The following WWC1 variants were observed in gnomAD, a reference collection of about 807,000 sequenced individuals.
WWC1 encodes protein KIBRA.
A neutral mutation model predicts 138.4 loss-of-function variants in WWC1; 55 were observed. The ratio of observed to expected loss-of-function variants is 0.40; its 90% CI spans 0.32 to 0.50. The LOEUF (loss-of-function observed/expected upper bound fraction) is 0.50, where lower values mean the gene tolerates loss of function less well. Among genes scored for constraint, WWC1 ranks in the 20% least tolerant of loss-of-function variants. The probability of loss-of-function intolerance (pLI) is 0.72; values close to 1 mark genes in which losing one functional copy is unlikely to be tolerated. For synonymous variants in WWC1, 524 were observed against 564.9 expected (o/e 0.93, Z 1.03); for missense variants, 1,226 against 1,420.4 (o/e 0.86, Z 2.20).
At chr5:168,450,867 C>T (rs978241166) in intron 17 of WWC1, among the ~76,000 whole-genome samples, 9 of 151,982 alleles carry the variant, frequency 5.9e-5, no homozygotes, top group African/African-American at 9.7e-5. Context: ...TTATGATCTT[C>T]GGAAGACACC....
At chr5:168,458,270 A>G (rs1281162675) in intron 19 of WWC1, among the ~76,000 whole-genome samples, 1 of 152,198 alleles carries the variant, frequency 6.6e-6, no homozygotes, top group Non-Finnish European at 1.5e-5. Flanking sequence ...AAAAACTCAA[A>G]GCACTGTGCT....
chr5:168,419,105 G>A (rs978280913), intron 9 of WWC1, among the ~76,000 whole-genome samples: 1 of 152,186 alleles, frequency 6.6e-6, no homozygotes, highest in Admixed American at 6.5e-5. Flanking sequence ...ACTGCAGGGC[G>A]TGTGCTGGGG....
intron 1 of WWC1, among the ~76,000 whole-genome samples, chr5:168,324,262 T>C (rs1412991385): frequency 6.6e-6 from 1 of 152,062 alleles, no homozygotes; most frequent in Admixed American, 6.6e-5. Flanking sequence ...GGGGAAACCC[T>C]GTCTCTACTA....
intron 3 of WWC1, among the ~76,000 whole-genome samples, chr5:168,386,340 C>T (rs1183529934): frequency 1.3e-5 from 2 of 151,134 alleles, no homozygotes; most frequent in Non-Finnish European, 2.9e-5. Context: ...CCCTGGTACC[C>T]AAAGGAGGAG....
At chr5:168,396,291 G>A (rs1778898341) in intron 3 of WWC1, among the ~76,000 whole-genome samples, 1 of 152,238 alleles carries the variant, frequency 6.6e-6, no homozygotes, top group Non-Finnish European at 1.5e-5. Flanking sequence ...GCTGAGACAG[G>A]AGAACAGCTT....
chr5:168,447,723 C>T (rs1755403562), intron 17 of WWC1, among the ~76,000 whole-genome samples: 2 of 151,828 alleles, frequency 1.3e-5, no homozygotes, highest in Non-Finnish European at 2.9e-5. Context: ...TTTGTATGTT[C>T]CTTTGTTAGT....
chr5:168,377,847 TCAGCC>T (rs1777334315), intron 2 of WWC1, among the ~76,000 whole-genome samples: 1 of 152,190 alleles, frequency 6.6e-6, no homozygotes, highest in South Asian at 2.1e-4. Flanking sequence ...GTAAATTAGT[TCAGCC>T]ACTGTGGAAA....
intron 10 of WWC1, among the ~76,000 whole-genome samples, 154 bp downstream of exon 10, chr5:168,422,251 C>T (rs532512483): frequency 3.3e-5 from 5 of 152,296 alleles, no homozygotes; most frequent in East Asian, 1.9e-4. Context: ...CAGACTCGGG[C>T]GTGGCCTGGT....
At chr5:168,452,352 G>A (rs1459731474) in intron 17 of WWC1, among the ~76,000 whole-genome samples, 1 of 152,150 alleles carries the variant, frequency 6.6e-6, no homozygotes, top group African/African-American at 2.4e-5. Context: ...TTGGAGGTAG[G>A]GCTTTTAAAG....
At chr5:168,462,245 G>C (rs199936797) in intron 20 of WWC1, among the ~76,000 whole-genome samples, 2 of 114,480 alleles carry the variant, frequency 1.7e-5, no homozygotes, top group South Asian at 2.7e-4. Flanking sequence ...CTGGAGAGAG[G>C]AGAGAGACAG....
At chr5:168,410,931 C>CTTTTTTTTT (rs1354123052) in intron 8 of WWC1, among the ~76,000 whole-genome samples, 1 of 114,480 alleles carries the variant, frequency 8.7e-6, no homozygotes. Context: ...ATGATCTTTG[C>CTTTTTTTTT]TTTTTTTTTT....
intron 1 of WWC1, among the ~76,000 whole-genome samples, chr5:168,306,619 C>T (rs931491973): frequency 3.9e-5 from 6 of 152,064 alleles, no homozygotes; most frequent in Admixed American, 6.6e-5. Flanking sequence ...GTTTTTGAGA[C>T]AGAGTCTTGC....
intron 12 of WWC1, 108 bp downstream of exon 12, chr5:168,428,249 G>T (rs1781667105): frequency 2.7e-6 from 3 of 1,116,272 alleles, no homozygotes. Flanking sequence ...CACAGTGTGT[G>T]GGAGGAGCCC....
At chr5:168,417,329 G>A (rs1780736747) in intron 9 of WWC1, among the ~76,000 whole-genome samples, 1 of 152,088 alleles carries the variant, frequency 6.6e-6, no homozygotes, top group African/African-American at 2.4e-5. Flanking sequence ...TGTGAATTGA[G>A]GCTCTTCCCT....
At chr5:168,427,524 C>T (rs182207001) in intron 11 of WWC1, among the ~76,000 whole-genome samples, 25 of 150,202 alleles carry the variant, frequency 1.7e-4, no homozygotes, top group Non-Finnish European at 7.4e-5. Context: ...CTCCTTCCAT[C>T]ACCCTAAAGC....
Position 168,448,682 on chromosome 5 carries a change from G to A in WWC1, c.2525+4097G>A, listed in dbSNP as rs188797953. ...CACCCAGGCTGGAGTGCAGTGGCAC[G>A]ATCTCAGCTCACTGCAAGCTCCGCC... On this transcript the variant is annotated intron_variant, in intron 17 of 22. Coordinates refer to ENST00000265293, the MANE Select transcript of WWC1 (RefSeq NM_015238.3). Among the ~76,000 whole-genome samples, 63 of 145,892 alleles carry A rather than the reference G, an allele frequency of 4.3e-4. No homozygotes were observed. The East Asian group carries it at 7.7e-3, about 18-fold the overall frequency.
At chr5:168,311,506 C>A (rs1771080769) in intron 1 of WWC1, among the ~76,000 whole-genome samples, 1 of 152,210 alleles carries the variant, frequency 6.6e-6, no homozygotes, top group Non-Finnish European at 1.5e-5. Flanking sequence ...CTGCCTCTTA[C>A]TAGCGTGTGA....
chr5:168,406,060 C>T (rs908576453), intron 5 of WWC1, 138 bp from the exon 6 acceptor site: 11 of 1,100,942 alleles, frequency 1.0e-5, no homozygotes, highest in Non-Finnish European at 1.2e-5. Flanking sequence ...ACAAGTGGGA[C>T]CTAGGGAGGA....
chr5:168,416,936 C>T (rs1250336443), intron 9 of WWC1, among the ~76,000 whole-genome samples: 7 of 152,088 alleles, frequency 4.6e-5, no homozygotes, highest in East Asian at 1.9e-4. Flanking sequence ...GGCACGATCT[C>T]GGCTTACTGC....
Sources: allele counts gnomAD v4.1 joint callset (sites outside exome capture counted in the v4.1 genomes callset), GRCh38; gene constraint gnomAD v4.1.1; transcripts MANE v1.5; gene names NCBI Gene and HGNC (gene_info 2026-07-23, HGNC 2026-07-21).